The following CARS2 variants were observed in gnomAD, a reference collection of about 807,000 sequenced individuals.
The protein encoded by CARS2 is probable cysteine--tRNA ligase, mitochondrial.
A neutral mutation model predicts 68.8 loss-of-function variants in CARS2; 52 were observed. That is an observed-to-expected ratio of 0.76 (90% CI 0.61 to 0.95). The LOEUF (loss-of-function observed/expected upper bound fraction) is 0.95, where lower values mean the gene tolerates loss of function less well. Among genes scored for constraint, CARS2 ranks in the 40% least tolerant of loss-of-function variants. CARS2 has a pLI of 0.00. For synonymous variants in CARS2, 314 were observed against 303.6 expected, an observed-to-expected ratio of 1.03 and a Z score of -0.36; for missense variants, 780 against 754.2, an observed-to-expected ratio of 1.03 and a Z score of -0.40.
In CARS2 at chr13:110,702,862, T is replaced by C. The variant is rs141532492; in HGVS notation, c.276-1307A>G. Among the ~76,000 whole-genome samples, 8 of 152,368 alleles carry C rather than the reference T, an allele frequency of 5.3e-5. No individual in the cohort carries two copies. In the East Asian group the frequency reaches 1.5e-3, roughly 29 times the overall value. Reference sequence around the variant, plus strand: ...TCTGTGACTCCACCATGAACCATGCTACCGTCAGCCCGGCTCTTTCTGCCC... The same window carrying C: ...TCTGTGACTCCACCATGAACCATGCCACCGTCAGCCCGGCTCTTTCTGCCC... On this transcript the variant is annotated intron_variant, in intron 2 of 14. Transcript: ENST00000257347.
chr13:110,698,753 T>C (rs1038415706), intron 3 of CARS2, among the ~76,000 whole-genome samples: 1 of 151,754 alleles, frequency 6.6e-6, no homozygotes, highest in Non-Finnish European at 1.5e-5. Flanking sequence ...CCTGTAATCC[T>C]AGCACTTTGG....
At chr13:110,650,224 A>G (rs950238946) in intron 10 of CARS2, 1 of 152,074 alleles carries the variant, frequency 6.6e-6, no homozygotes, top group Non-Finnish European at 1.5e-5. Context: ...CACCCTCCTG[A>G]GTAGCTGGGA....
At position 110,653,185 on chromosome 13, in the gene CARS2, A is replaced by AG. The variant is rs11426332; in HGVS notation, c.988-2086dup. Among the ~76,000 whole-genome samples, 62,846 of 146,612 alleles carry AG rather than the reference A, an allele frequency of 0.43. 14,330 individuals are homozygous for AG. The highest frequency in any genetic ancestry group is 0.59 in the African/African-American group (23,139 of 39,304). On this transcript the variant is annotated intron_variant, in intron 9 of 14. Coordinates refer to ENST00000257347, the MANE Select transcript of CARS2 (RefSeq NM_024537.4). The surrounding 1 kb of genome is among the most constrained non-coding windows in gnomAD (Gnocchi z 5.6). The stretch of plus-strand genomic sequence containing the variant: ...GCTGCCACAGGGGCCTGGGGTGGGG[A>AG]GGGGGGCTGGGGTATGTGTGTGTGT...
chr13:110,707,148 T>G (rs1314734375), upstream of CARS2, among the ~76,000 whole-genome samples: 1 of 148,822 alleles, frequency 6.7e-6, no homozygotes, highest in African/African-American at 2.5e-5. Context: ...CAGCAAACAC[T>G]GTCTGCATTC....
intron 6 of CARS2, among the ~76,000 whole-genome samples, chr13:110,679,597 A>AGAGAG (rs2063088369): frequency 1.8e-4 from 8 of 43,696 alleles, no homozygotes; most frequent in Non-Finnish European, 3.2e-4. Flanking sequence ...GAAAGAAAGA[A>AGAGAG]AGAGAGAGAG....
chr13:110,646,680 T>G (rs1888161213), intron 11 of CARS2: 1 of 174,244 alleles, frequency 5.7e-6, no homozygotes, highest in Non-Finnish European at 1.2e-5. Flanking sequence ...CTGGGAGGGA[T>G]GAGCAGCTCC....
chr13:110,665,003 G>T lies in CARS2; in HGVS notation c.920-1485C>A. The T allele has an allele frequency of 7.1e-6, 7 of 985,262 alleles. No individual in the cohort carries two copies. The highest frequency in any genetic ancestry group is 7.2e-6 in the Non-Finnish European group (6 of 829,752). The allele number at this position is 985,262 out of a possible 1,614,324, so 61.0% of individuals were successfully genotyped here. A position where few individuals can be genotyped will look rare whatever the true frequency, so the allele number is the denominator to read the frequency against. On this transcript the variant is annotated intron_variant, in intron 8 of 14. Coordinates refer to ENST00000257347, the MANE Select transcript of CARS2 (RefSeq NM_024537.4). The surrounding 1 kb of genome is among the most constrained non-coding windows in gnomAD (Gnocchi z 4.3). ...GCCCTAACAGGCTGGGATAGTGTCT[G>T]CCCACTTAGCTCTTCCATCCACTGG... is the stretch of plus-strand genomic sequence containing the variant.
In CARS2 at chr13:110,683,149, A is replaced by T. The variant is rs2139840036; in HGVS notation, c.572-15T>A. 2.0e-6 allele frequency: 3 copies of T among 1,531,150 alleles called. No homozygotes were observed. The highest frequency in any genetic ancestry group is 2.7e-6 in the Non-Finnish European group (3 of 1,131,900). The allele number at this position is 1,531,150 out of a possible 1,614,324, so 94.8% of individuals were successfully genotyped here. ...GTAGACATTGCCTGTTTATAAAGACAATTATGAATTCATCACTTCTCAGTC... is the reference window on the plus strand; with the variant it reads ...GTAGACATTGCCTGTTTATAAAGACTATTATGAATTCATCACTTCTCAGTC... On this transcript the variant is annotated splice_polypyrimidine_tract_variant and intron_variant, in intron 5 of 14. Coordinates refer to ENST00000257347, the MANE Select transcript of CARS2 (RefSeq NM_024537.4).
intron 9 of CARS2, among the ~76,000 whole-genome samples, chr13:110,654,921 C>CAAAAAA (rs34662096): frequency 1.2e-5 from 1 of 83,852 alleles, no homozygotes. Flanking sequence ...AACCCTCTCT[C>CAAAAAA]AAAAAAAAAA....
intron 9 of CARS2, among the ~76,000 whole-genome samples, 198 bp downstream of exon 9, chr13:110,663,253 C>A (rs1460541582): frequency 6.6e-6 from 1 of 151,742 alleles, no homozygotes; most frequent in African/African-American, 2.4e-5. Context: ...CGGAAACCTG[C>A]GGGAGGCGCA....
rs1313306865 is a variant in CARS2, at chr13:110,651,080, G to A, written c.1008C>T (p.Ser336=). 31 of 1,613,366 alleles carry A rather than the reference G, an allele frequency of 1.9e-5. No individual in the cohort carries two copies. Among genetic ancestry groups the A allele is most frequent in the Non-Finnish European group, 2.5e-5 (30 of 1,179,862 alleles). The change falls in exon 10 of 15, where the codon TCC becomes TCT. Residue 336 remains serine, a synonymous_variant. Coordinates refer to ENST00000257347, the MANE Select transcript of CARS2 (RefSeq NM_024537.4). ...ITIKDFLKTF[S]PDVFRFFCLR... is the part of the protein sequence containing the mutation. Reference sequence around the variant, plus strand: ...GGCAGAAGAACCGGAAGACATCGGGGGAAAAGGTCTTCAGAAAGTCCTGGT... The same window carrying A: ...GGCAGAAGAACCGGAAGACATCGGGAGAAAAGGTCTTCAGAAAGTCCTGGT...
chr13:110,685,992 G>GAAAAAAAAAAAAAAAAAAAAGAAA (rs10668818), intron 5 of CARS2, among the ~76,000 whole-genome samples: 1 of 128,808 alleles, frequency 7.8e-6, no homozygotes, highest in Admixed American at 8.5e-5. Context: ...CAGAAAAAAT[G>GAAAAAAAAAAAAAAAAAAAAGAAA]AAAAAAAAAA....
In CARS2 at chr13:110,641,460, A is replaced by G. The variant is rs1180686169; in HGVS notation, c.*77T>C. 7 of 1,185,338 alleles carry G rather than the reference A, an allele frequency of 5.9e-6. No homozygotes were observed. In the East Asian group the frequency reaches 1.4e-4, roughly 24 times the overall value. 73.4% of individuals were successfully genotyped at this position (1,185,338 alleles called of 1,614,324 possible). Reference sequence around the variant, plus strand: ...TGCTGACCTAGCAGCCCCGACAGGAAGCTTTAACATAAAGCCTTGACCCTG... The same window carrying G: ...TGCTGACCTAGCAGCCCCGACAGGAGGCTTTAACATAAAGCCTTGACCCTG... On this transcript the variant is annotated 3_prime_UTR_variant, in exon 15 of 15. Coordinates refer to ENST00000257347, the MANE Select transcript of CARS2 (RefSeq NM_024537.4).
intron 9 of CARS2, among the ~76,000 whole-genome samples, chr13:110,652,418 C>T (rs753342510): frequency 6.6e-6 from 1 of 152,250 alleles, no homozygotes; most frequent in Non-Finnish European, 1.5e-5. Flanking sequence ...TGCTCAACAA[C>T]CCTACTGAGA....
chr13:110,702,607 G>GGCCCAGAGGA (rs1362608627), intron 2 of CARS2, among the ~76,000 whole-genome samples: 1 of 152,210 alleles, frequency 6.6e-6, no homozygotes, highest in Non-Finnish European at 1.5e-5. Flanking sequence ...TCCCTTGCTT[G>GGCCCAGAGGA]GCCCAGAGGA....
At chr13:110,663,359 G>A in intron 9 of CARS2, 92 bp downstream of exon 9, 2 of 1,289,498 alleles carry the variant, frequency 1.6e-6, no homozygotes, top group Admixed American at 4.9e-5. Flanking sequence ...ACTGGGAATG[G>A]GATTCCGTGG....
In CARS2 at chr13:110,649,931, C is replaced by CTGTTTTTTTT. The variant is rs1249270267; in HGVS notation, c.1054+1102_1054+1103insAAAAAAAACA. On this transcript the variant is annotated intron_variant, in intron 10 of 14. Coordinates refer to ENST00000257347, the MANE Select transcript of CARS2 (RefSeq NM_024537.4). ...CCAGGGATGCAGCTCTGGATAACGA[C>CTGTTTTTTTT]TTTTTTTTTTTTTTTTTTTTTTTTG... 1.6e-4 allele frequency among the ~76,000 whole-genome samples: 12 copies of CTGTTTTTTTT among 73,146 alleles called. 1 individual carries two copies. The South Asian group carries it at 2.9e-3, about 18-fold the overall frequency. The allele number at this position is 73,146 out of a possible 152,430, so 48.0% of individuals were successfully genotyped here. A position where few individuals can be genotyped will look rare whatever the true frequency, so the allele number is the denominator to read the frequency against.
chr13:110,706,151 G>A, upstream of CARS2: 1 of 1,210,246 alleles, frequency 8.3e-7, no homozygotes, highest in Non-Finnish European at 1.0e-6. Context: ...GTACGCTGCC[G>A]GTCGCTCAAG....
chr13:110,650,978 C>G (rs1005172422), intron 10 of CARS2, 56 bp downstream of exon 10: 2 of 1,336,700 alleles, frequency 1.5e-6, no homozygotes, highest in Non-Finnish European at 2.1e-6. Context: ...TCAGTCCTGT[C>G]AGAATGACTG....
Sources: allele counts gnomAD v4.1 joint callset (sites outside exome capture counted in the v4.1 genomes callset), GRCh38; gene constraint gnomAD v4.1.1; non-coding constraint Gnocchi (gnomAD v3.1); transcripts MANE v1.5; gene names NCBI Gene and HGNC (gene_info 2026-07-23, HGNC 2026-07-21).